The following ALK variants were observed in gnomAD, a reference collection of about 807,000 sequenced individuals.
The protein encoded by ALK is ALK tyrosine kinase receptor.
ALK carries 74 observed loss-of-function variants against 163.1 expected under a neutral mutation model. The ratio of observed to expected loss-of-function variants is 0.45; its 90% CI spans 0.38 to 0.55. The LOEUF (loss-of-function observed/expected upper bound fraction) is 0.55. Ranked by LOEUF, ALK falls within the 20% of genes least tolerant of loss-of-function variation. The probability of loss-of-function intolerance (pLI) is 0.00; values close to 1 mark genes in which losing one functional copy is unlikely to be tolerated. For missense variants in ALK, 2,063 were observed against 2,105.3 expected (o/e 0.98, Z 0.39); for synonymous variants, 960 against 843.2 (o/e 1.14, Z -2.40).
rs114596257 is a variant in ALK at position 29,615,247 on chromosome 2, T to C, written c.952+79603A>G. ...CTCTTCCAGATATCATGCCACCTCC[T>C]TTGTGAAATTTTCACTGGACAGCCC... is the stretch of plus-strand genomic sequence containing the variant. On this transcript the variant is annotated intron_variant, in intron 3 of 28. Transcript: ENST00000389048. Among the ~76,000 whole-genome samples the C allele has an allele frequency of 5.2e-3, 788 of 152,340 alleles. 8 individuals are homozygous for C. The highest frequency in any genetic ancestry group is 0.017 in the African/African-American group (694 of 41,588).
intron 1 of ALK, among the ~76,000 whole-genome samples, chr2:29,728,515 G>A (rs1176328530): frequency 1.3e-5 from 2 of 152,170 alleles, no homozygotes; most frequent in African/African-American, 4.8e-5. Flanking sequence ...AAGTCCTTTT[G>A]ACATCTTGAT....
At chr2:29,494,123 C>A (rs548163528) in intron 4 of ALK, among the ~76,000 whole-genome samples, 2 of 152,152 alleles carry the variant, frequency 1.3e-5, no homozygotes. Flanking sequence ...TGGCTTAGAT[C>A]CACCAATGTG....
chr2:29,247,831 G>A (rs1331210125), intron 12 of ALK, among the ~76,000 whole-genome samples: 5 of 152,230 alleles, frequency 3.3e-5, no homozygotes, highest in South Asian at 2.1e-4. Context: ...GGGTGGGTTC[G>A]TTAGGGCTCG....
At chr2:29,664,722 A>G (rs530020056) in intron 3 of ALK, among the ~76,000 whole-genome samples, 12 of 152,224 alleles carry the variant, frequency 7.9e-5, no homozygotes, top group African/African-American at 2.9e-4. Context: ...AGGTCCTACT[A>G]TCAGGAGTGA....
At chr2:29,451,902 G>A (rs1217864933) in intron 4 of ALK, among the ~76,000 whole-genome samples, 2 of 152,182 alleles carry the variant, frequency 1.3e-5, no homozygotes, top group Non-Finnish European at 2.9e-5. Flanking sequence ...CTATAGCTGT[G>A]TTGTCGAATA....
rs1359259756 is a variant in ALK at position 29,687,170 on chromosome 2, G to T, written c.952+7680C>A. Among the ~76,000 whole-genome samples the T allele has an allele frequency of 2.0e-5, 3 of 152,064 alleles. No homozygotes were observed. The East Asian group carries it at 5.8e-4, about 29-fold the overall frequency. ...CAGGGGCAAAAATTGAACTGAAGTG[G>T]GTGTGTTTCTGTACTCTTACTTAGA... is the stretch of plus-strand genomic sequence containing the variant. On this transcript the variant is annotated intron_variant, in intron 3 of 28. Transcript: ENST00000389048.
chr2:29,636,636 G>C (rs1025470406), intron 3 of ALK, among the ~76,000 whole-genome samples: 2 of 152,138 alleles, frequency 1.3e-5, no homozygotes, highest in African/African-American at 4.8e-5. Context: ...TCTGCAAAAA[G>C]ATCCTGTTTA....
chr2:29,439,235 G>A (rs6715682), intron 4 of ALK, among the ~76,000 whole-genome samples: 25,701 of 152,084 alleles, frequency 0.17, 2,497 homozygotes, highest in East Asian at 0.3. Flanking sequence ...GCTTTAAATA[G>A]AACAGGTGAC....
rs758250431 is a variant in ALK, at chr2:29,920,303, C to T, written c.357G>A (p.Glu119=). The change falls in exon 1 of 29, where the codon GAG becomes GAA. Residue 119 remains glutamate (E), a synonymous_variant. Coordinates refer to ENST00000389048, the MANE Select transcript of ALK (RefSeq NM_004304.5). ...SWTAGSPAPA[E]ARTLSRVLKG... is the part of the protein sequence containing the mutation. Reference sequence around the variant, plus strand: ...TCAGCACCCTGGACAGCGTCCGGGCCTCTGCCGGGGCTGGTGAACCGGCGG... The same window carrying T: ...TCAGCACCCTGGACAGCGTCCGGGCTTCTGCCGGGGCTGGTGAACCGGCGG... 1 of 1,563,200 alleles carries T rather than the reference C, an allele frequency of 6.4e-7. No homozygotes were observed. Among genetic ancestry groups the T allele is most frequent in the Non-Finnish European group, 8.7e-7 (1 of 1,155,174 alleles).
intron 1 of ALK, among the ~76,000 whole-genome samples, chr2:29,850,206 C>T (rs542833676): frequency 1.2e-4 from 19 of 152,288 alleles, no homozygotes; most frequent in African/African-American, 2.9e-4. Flanking sequence ...ACAAACATCA[C>T]GCTGGGAAGC....
At chr2:29,913,379 C>G (rs1004915408) in intron 1 of ALK, among the ~76,000 whole-genome samples, 11 of 152,174 alleles carry the variant, frequency 7.2e-5, no homozygotes, top group African/African-American at 2.4e-4. Flanking sequence ...CTCCAACCTC[C>G]TCCACTACCT....
intron 1 of ALK, among the ~76,000 whole-genome samples, chr2:29,754,629 G>A (rs1268269740): frequency 1.3e-5 from 2 of 152,032 alleles, no homozygotes; most frequent in Non-Finnish European, 2.9e-5. Flanking sequence ...GCTTGCAGCT[G>A]CAGTGAGCCA....
chr2:29,583,780 A>C (rs748664363), intron 3 of ALK, among the ~76,000 whole-genome samples: 1 of 152,356 alleles, frequency 6.6e-6, no homozygotes, highest in Non-Finnish European at 1.5e-5. Flanking sequence ...TAACAGGGTA[A>C]GTAGCCGGCA....
chr2:29,601,249 T>C (rs1675371814), intron 3 of ALK, among the ~76,000 whole-genome samples: 1 of 152,168 alleles, frequency 6.6e-6, no homozygotes, highest in East Asian at 1.9e-4. Flanking sequence ...CAGGTTCTAA[T>C]ACTTTACAAA....
chr2:29,739,204 A>G (rs1017435930), intron 1 of ALK, among the ~76,000 whole-genome samples: 2 of 137,984 alleles, frequency 1.4e-5, no homozygotes, highest in Non-Finnish European at 3.1e-5. Flanking sequence ...ATGTCACTGT[A>G]CTACAGCCTA....
chr2:29,454,949 T>G (rs1054618986), intron 4 of ALK, among the ~76,000 whole-genome samples: 1 of 152,160 alleles, frequency 6.6e-6, no homozygotes, highest in East Asian at 1.9e-4. Flanking sequence ...GCTTCACAGA[T>G]GAGGAAGCGG....
intron 1 of ALK, among the ~76,000 whole-genome samples, chr2:29,872,492 A>G (rs551726142): frequency 6.6e-6 from 1 of 152,342 alleles, no homozygotes; most frequent in South Asian, 2.1e-4. Context: ...TGTGCTCAGA[A>G]CACTTACATT....
At chr2:29,744,613 T>C (rs1680157971) in intron 1 of ALK, among the ~76,000 whole-genome samples, 1 of 152,094 alleles carries the variant, frequency 6.6e-6, no homozygotes, top group Non-Finnish European at 1.5e-5. Context: ...TATTGATTGA[T>C]TGATTGAGAC....
chr2:29,716,672 C>A (rs888179150), intron 2 of ALK, among the ~76,000 whole-genome samples: 48 of 152,270 alleles, frequency 3.2e-4, no homozygotes, highest in African/African-American at 1.1e-3. Flanking sequence ...TCTTATTAAA[C>A]CTAGTTTCCA....
Sources: gnomAD v4.1 joint callset for allele counts (sites outside exome capture counted in the v4.1 genomes callset) on GRCh38, gnomAD v4.1.1 for gene constraint, MANE v1.5 for transcripts, NCBI Gene and HGNC (gene_info 2026-07-23, HGNC 2026-07-21) for gene names.